CCBE1: variants seen among roughly 807,000 people sequenced by gnomAD.
CCBE1 encodes collagen and calcium binding EGF domains 1.
Under a neutral mutation model 50.0 loss-of-function variants are expected in CCBE1, and 37 were observed. That is an observed-to-expected ratio of 0.74 (90% CI 0.57 to 0.97). CCBE1 has a LOEUF of 0.97. Ranked by LOEUF, CCBE1 falls within the 50% of genes least tolerant of loss-of-function variation. CCBE1 has a pLI of 0.00. For synonymous variants in CCBE1, 234 were observed against 203.7 expected, an observed-to-expected ratio of 1.15 and a Z score of -1.27; for missense variants, 538 against 523.8, an observed-to-expected ratio of 1.03 and a Z score of -0.26.
At chr18:59,568,842 A>G (rs1416961594) in intron 2 of CCBE1, among the ~76,000 whole-genome samples, 1 of 152,194 alleles carries the variant, frequency 6.6e-6, no homozygotes, top group Admixed American at 6.5e-5. Flanking sequence ...GGTAGGCTGC[A>G]GTGCCACAGC....
At position 59,433,273 on chromosome 18, in the gene CCBE1, T is replaced by A. The variant is rs1187439806; in HGVS notation, c.*2635A>T. ...GTGCCACATTTAATAAAACTTATTT[T>A]TTTTTTTTTAGGGATGGGGTCTTGC... On this transcript the variant is annotated 3_prime_UTR_variant, in exon 11 of 11. Transcript: ENST00000439986. 1 of 152,068 alleles carries A rather than the reference T, an allele frequency of 6.6e-6. No individual in the cohort carries two copies. The highest frequency in any genetic ancestry group is 1.9e-4 in the East Asian group (1 of 5,188). 9.4% of individuals were successfully genotyped at this position (152,068 alleles called of 1,614,324 possible).
intron 2 of CCBE1, among the ~76,000 whole-genome samples, chr18:59,584,066 C>T (rs1449546922): frequency 1.3e-5 from 2 of 151,970 alleles, no homozygotes; most frequent in African/African-American, 4.8e-5. Flanking sequence ...TTTATTGCGG[C>T]ATTATTCACA....
chr18:59,630,940 G>A (rs906172266), intron 2 of CCBE1, among the ~76,000 whole-genome samples: 3 of 152,190 alleles, frequency 2.0e-5, no homozygotes, highest in East Asian at 1.9e-4. Flanking sequence ...AATGGCACAT[G>A]GCTTGCAATG....
intron 5 of CCBE1, among the ~76,000 whole-genome samples, chr18:59,458,425 C>T (rs1027470977): frequency 6.6e-6 from 1 of 152,210 alleles, no homozygotes; most frequent in African/African-American, 2.4e-5. Context: ...ATGTTTCTGT[C>T]CACTTTTACT....
intron 2 of CCBE1, among the ~76,000 whole-genome samples, chr18:59,495,834 G>C (rs143028270): frequency 6.6e-6 from 1 of 152,230 alleles, no homozygotes; most frequent in East Asian, 1.9e-4. Context: ...TGCCGCTCTC[G>C]GGTGGTAATG....
chr18:59,475,965 C>T (rs1304613950), intron 3 of CCBE1, among the ~76,000 whole-genome samples: 1 of 152,186 alleles, frequency 6.6e-6, no homozygotes, highest in Non-Finnish European at 1.5e-5. Context: ...GTGATCCGCC[C>T]GCCTTGGCCT....
intron 2 of CCBE1, among the ~76,000 whole-genome samples, chr18:59,523,182 GTGC>G (rs1914680670): frequency 6.6e-6 from 1 of 151,594 alleles, no homozygotes; most frequent in Non-Finnish European, 1.5e-5. Context: ...TGAGCAATGA[GTGC>G]TGACTTAAAC....
intron 2 of CCBE1, among the ~76,000 whole-genome samples, chr18:59,647,292 G>A (rs375799577): frequency 2.0e-5 from 3 of 152,104 alleles, no homozygotes; most frequent in African/African-American, 7.2e-5. Flanking sequence ...TTAAATGGCT[G>A]TATAATTAGT....
At chr18:59,559,438 G>A (rs569971295) in intron 2 of CCBE1, among the ~76,000 whole-genome samples, 4 of 152,304 alleles carry the variant, frequency 2.6e-5, no homozygotes, top group South Asian at 2.1e-4. Flanking sequence ...TGTGGTGCCC[G>A]TGCCCCGCCA....
intron 2 of CCBE1, among the ~76,000 whole-genome samples, chr18:59,609,019 C>T (rs2053537348): frequency 6.6e-6 from 1 of 152,220 alleles, no homozygotes; most frequent in South Asian, 2.1e-4. Context: ...GACTTGAGTT[C>T]TTGCATTATG....
chr18:59,483,579 G>A (rs1912676755), intron 2 of CCBE1, among the ~76,000 whole-genome samples: 1 of 152,120 alleles, frequency 6.6e-6, no homozygotes, highest in African/African-American at 2.4e-5. Flanking sequence ...ATCTCCTCCT[G>A]AAACAAAATT....
chr18:59,521,212 G>T (rs772846632), intron 2 of CCBE1, among the ~76,000 whole-genome samples: 1 of 152,182 alleles, frequency 6.6e-6, no homozygotes, highest in African/African-American at 2.4e-5. Flanking sequence ...AAAATTAAGA[G>T]CCAAATTCTA....
At chr18:59,609,142 G>A (rs894042482) in intron 2 of CCBE1, among the ~76,000 whole-genome samples, 1 of 152,128 alleles carries the variant, frequency 6.6e-6, no homozygotes, top group Non-Finnish European at 1.5e-5. Context: ...CCCCATACTC[G>A]CTTCTGGATT....
At chr18:59,584,582 A>G (rs557874844) in intron 2 of CCBE1, among the ~76,000 whole-genome samples, 17 of 152,240 alleles carry the variant, frequency 1.1e-4, no homozygotes, top group Non-Finnish European at 2.2e-4. Context: ...GAGGTTTCCA[A>G]TGGTTTAGCT....
chr18:59,668,777 C>T (rs541819888), intron 2 of CCBE1, among the ~76,000 whole-genome samples: 161 of 146,634 alleles, frequency 1.1e-3, no homozygotes, highest in African/African-American at 3.0e-3. Context: ...TTTGTAAGTG[C>T]GATATGTCCA....
intron 3 of CCBE1, among the ~76,000 whole-genome samples, chr18:59,475,413 CT>C (rs1467161880): frequency 6.6e-6 from 1 of 152,236 alleles, no homozygotes; most frequent in Non-Finnish European, 1.5e-5. Context: ...TCCCTTGAGA[CT>C]TTTCTAACCT....
At chr18:59,628,077 G>A (rs1287547357) in intron 2 of CCBE1, among the ~76,000 whole-genome samples, 2 of 152,084 alleles carry the variant, frequency 1.3e-5, no homozygotes, top group African/African-American at 2.4e-5. Context: ...ATCCGAGTGT[G>A]GTGGTGCATG....
intron 2 of CCBE1, among the ~76,000 whole-genome samples, chr18:59,662,079 GC>G (rs1272598172): frequency 3.9e-5 from 6 of 152,176 alleles, no homozygotes; most frequent in Non-Finnish European, 8.8e-5. Flanking sequence ...GCACATCACA[GC>G]CTTCTTGCAT....
At chr18:59,545,558 G>A (rs1323105671) in intron 2 of CCBE1, among the ~76,000 whole-genome samples, 1 of 152,114 alleles carries the variant, frequency 6.6e-6, no homozygotes, top group Admixed American at 6.5e-5. Context: ...CCCATTCCCT[G>A]ACTCGTGGAC....
Sources: allele counts gnomAD v4.1 joint callset (sites outside exome capture counted in the v4.1 genomes callset), GRCh38; gene constraint gnomAD v4.1.1; transcripts MANE v1.5; gene names NCBI Gene and HGNC (gene_info 2026-07-23, HGNC 2026-07-21).